Variants in ST7 observed in about 807,000 individuals in gnomAD.
ST7 encodes the protein suppressor of tumorigenicity 7 protein.
Under a neutral mutation model 78.7 loss-of-function variants are expected in ST7, and 28 were observed. The observed-to-expected ratio is 0.36, with a 90% CI of 0.26 to 0.49. ST7 has a LOEUF of 0.49. Ranked by LOEUF, ST7 falls within the 20% of genes least tolerant of loss-of-function variation. The pLI is 0.99. For synonymous variants in ST7, 247 were observed against 249.6 expected (o/e 0.99, Z 0.10); for missense variants, 418 against 696.0 (o/e 0.60, Z 4.49).
chr7:117,093,107 C>A (rs1245594742), intron 1 of ST7, among the ~76,000 whole-genome samples: 2 of 152,176 alleles, frequency 1.3e-5, no homozygotes, highest in Non-Finnish European at 2.9e-5. Flanking sequence ...AGGGACATTT[C>A]TTTGCCTTCT....
chr7:117,013,790 G>T (rs370128619), intron 1 of ST7, among the ~76,000 whole-genome samples: 6 of 152,140 alleles, frequency 3.9e-5, no homozygotes, highest in Admixed American at 3.3e-4. Flanking sequence ...GCGAGATCAC[G>T]CCACTGCACT....
intron 12 of ST7, among the ~76,000 whole-genome samples, chr7:117,191,211 T>TCCCC (rs1809744790): frequency 2.0e-5 from 3 of 152,044 alleles, no homozygotes; most frequent in African/African-American, 7.2e-5. Flanking sequence ...AAAGTAGATA[T>TCCCC]CCCGGGAGTG....
intron 1 of ST7, among the ~76,000 whole-genome samples, chr7:117,016,274 G>A (rs1686585637): frequency 2.0e-5 from 3 of 152,046 alleles, no homozygotes; most frequent in Admixed American, 2.0e-4. Context: ...GAAATAAAAT[G>A]CACCCACCTT....
At chr7:117,114,897 A>G (rs1207722157) in intron 2 of ST7, among the ~76,000 whole-genome samples, 5 of 152,106 alleles carry the variant, frequency 3.3e-5, no homozygotes. Context: ...TAAATATGAG[A>G]CAAGTTTGAA....
chr7:117,013,554 G>A (rs1183645296), intron 1 of ST7, among the ~76,000 whole-genome samples: 1 of 152,208 alleles, frequency 6.6e-6, no homozygotes, highest in African/African-American at 2.4e-5. Flanking sequence ...ATGGCTGGGC[G>A]AGGTGGCTCA....
At chr7:117,181,755 A>G (rs909934488) in intron 10 of ST7, among the ~76,000 whole-genome samples, 2 of 152,216 alleles carry the variant, frequency 1.3e-5, no homozygotes, top group African/African-American at 2.4e-5. Flanking sequence ...TAGATTTATT[A>G]AGAAAAAATT....
chr7:116,986,797 A>C (rs1794211116), intron 1 of ST7, among the ~76,000 whole-genome samples: 1 of 152,196 alleles, frequency 6.6e-6, no homozygotes. Context: ...GGTGGTATTT[A>C]AAGTCATGGG....
intron 10 of ST7, among the ~76,000 whole-genome samples, chr7:117,185,662 G>A (rs1050070584): frequency 6.6e-6 from 1 of 152,030 alleles, no homozygotes. Flanking sequence ...GCAGTGGCTC[G>A]CGCCTGTAAT....
chr7:117,123,383 T>C (rs1274107478), intron 3 of ST7, among the ~76,000 whole-genome samples: 1 of 152,140 alleles, frequency 6.6e-6, no homozygotes, highest in African/African-American at 2.4e-5. Context: ...ATTGTGCATA[T>C]ATTTTTAAAC....
At chr7:117,214,491 C>T (rs1792534242) in intron 13 of ST7, among the ~76,000 whole-genome samples, 1 of 152,172 alleles carries the variant, frequency 6.6e-6, no homozygotes, top group African/African-American at 2.4e-5. Context: ...AGGGCATTTC[C>T]TCTAACCAAA....
intron 1 of ST7, among the ~76,000 whole-genome samples, chr7:117,068,805 T>G (rs1798770582): frequency 6.6e-6 from 1 of 152,242 alleles, no homozygotes; most frequent in Non-Finnish European, 1.5e-5. Flanking sequence ...TCATTCTCTG[T>G]GTATTTAATT....
intron 1 of ST7, among the ~76,000 whole-genome samples, chr7:116,998,842 T>C (rs1451730015): frequency 1.3e-5 from 2 of 152,152 alleles, no homozygotes; most frequent in Non-Finnish European, 2.9e-5. Flanking sequence ...TGAACTTAAG[T>C]GGTCAGGAAA....
chr7:117,031,479 T>C (rs796125107), intron 1 of ST7, among the ~76,000 whole-genome samples: 2 of 23,156 alleles, frequency 8.6e-5, no homozygotes, highest in African/African-American at 1.4e-4. Flanking sequence ...CATATATGTG[T>C]GTATATGTGC....
intron 6 of ST7, among the ~76,000 whole-genome samples, chr7:117,133,242 A>G (rs578258747): frequency 3.2e-4 from 48 of 151,836 alleles, no homozygotes; most frequent in Admixed American, 9.9e-4. Flanking sequence ...TACATTTATC[A>G]TCTCATCTTC....
At chr7:117,006,770 A>G (rs997237084) in intron 1 of ST7, among the ~76,000 whole-genome samples, 1 of 152,326 alleles carries the variant, frequency 6.6e-6, no homozygotes, top group African/African-American at 2.4e-5. Context: ...GCACATGCTC[A>G]CTTCATGTCT....
chr7:116,965,410 G>A (rs2116205237), intron 1 of ST7, among the ~76,000 whole-genome samples: 1 of 151,966 alleles, frequency 6.6e-6, no homozygotes, highest in East Asian at 1.9e-4. Context: ...CTGTGGAAGG[G>A]TGGGGGGCAA....
At chr7:117,039,130 C>G (rs1179302470) in intron 1 of ST7, among the ~76,000 whole-genome samples, 4 of 152,046 alleles carry the variant, frequency 2.6e-5, no homozygotes, top group African/African-American at 9.7e-5. Context: ...ATGTGGCAGA[C>G]ATTCTTCAGG....
intron 1 of ST7, among the ~76,000 whole-genome samples, chr7:117,058,945 G>A (rs889608491): frequency 1.3e-5 from 2 of 152,200 alleles, no homozygotes; most frequent in African/African-American, 4.8e-5. Context: ...GCCAGGCGCA[G>A]AAAGAGAAAC....
chr7:117,027,210 A>G (rs1490006351), intron 1 of ST7, among the ~76,000 whole-genome samples: 1 of 152,020 alleles, frequency 6.6e-6, no homozygotes, highest in Non-Finnish European at 1.5e-5. Context: ...TTGGGAGGCC[A>G]AGGCAGGTGG....
Sources: gnomAD v4.1 joint callset for allele counts (sites outside exome capture counted in the v4.1 genomes callset) on GRCh38, gnomAD v4.1.1 for gene constraint, MANE v1.5 for transcripts, NCBI Gene and HGNC (gene_info 2026-07-23, HGNC 2026-07-21) for gene names.